MYL12A: variants seen among roughly 807,000 people sequenced by gnomAD.
MYL12A encodes the protein myosin light chain 12A, also known as myosin regulatory light chain 12A.
In MYL12A, 11 loss-of-function variants were observed where a neutral mutation model predicts 13.3. The observed-to-expected ratio is 0.83, with a 90% CI of 0.52 to 1.37. The LOEUF (loss-of-function observed/expected upper bound fraction) is 1.37. MYL12A is among the 40% of genes most tolerant of loss of function. The pLI, the probability that MYL12A is intolerant of heterozygous loss-of-function variation, is 0.00. For missense variants in MYL12A, 146 were observed against 212.3 expected, an observed-to-expected ratio of 0.69 and a Z score of 1.94; for synonymous variants, 51 against 69.9, an observed-to-expected ratio of 0.73 and a Z score of 1.35.
chr18:3,249,868 C>G (rs12606063), intron 1 of MYL12A: 22,780 of 151,942 alleles, frequency 0.15, 1,815 homozygotes, highest in East Asian at 0.26. Flanking sequence ...CTGCACTCCA[C>G]CCTGGGCGAC....
rs145650517 is a variant in MYL12A, at chr18:3,255,736, T to G, written c.344-10T>G. ...GTATGTATTCTGATCCCTTGTTCTTTATTCTCCAGGCACCATACAGGAAGA... is the reference window on the plus strand; with the variant it reads ...GTATGTATTCTGATCCCTTGTTCTTGATTCTCCAGGCACCATACAGGAAGA... On this transcript the variant is annotated splice_polypyrimidine_tract_variant and intron_variant, in intron 3 of 3. Transcript: ENST00000217652. 4.4e-5 allele frequency: 71 copies of G among 1,608,842 alleles called. No homozygotes were observed. In the South Asian group the frequency reaches 7.9e-4, roughly 18 times the overall value.
chr18:3,255,988 C>G lies in MYL12A; in HGVS notation c.*70C>G. 2 of 1,550,624 alleles carry G rather than the reference C, an allele frequency of 1.3e-6. No individual in the cohort carries two copies. The highest frequency in any genetic ancestry group is 1.7e-6 in the Non-Finnish European group (2 of 1,143,062). ...GTATTCTGAGATTTTCTCTTGCATGCCCTTAGCTTTACAGCTTTTGCATTT... is the reference window on the plus strand; with the variant it reads ...GTATTCTGAGATTTTCTCTTGCATGGCCTTAGCTTTACAGCTTTTGCATTT... On this transcript the variant is annotated 3_prime_UTR_variant, in exon 4 of 4. Transcript: ENST00000217652.
chr18:3,253,581 G>C, intron 2 of MYL12A, 153 bp downstream of exon 2: 1 of 952,990 alleles, frequency 1.0e-6, no homozygotes, highest in South Asian at 1.8e-5. Flanking sequence ...CGGATCACCA[G>C]CAGATTCGTG....
rs370662219 is a variant in MYL12A at position 3,253,686 on chromosome 18, T to G, written c.182-203T>G. On this transcript the variant is annotated intron_variant, in intron 2 of 3. Transcript: ENST00000217652. ...GGAAGCAGTATTATTCCTTCTGACA[T>G]TCCAATGGACTATCATATACTTTCC... 1.2e-4 allele frequency: 81 copies of G among 686,278 alleles called. No individual in the cohort carries two copies. The East Asian group carries it at 1.8e-3, about 16-fold the overall frequency. The allele number at this position is 686,278 out of a possible 1,614,324, so 42.5% of individuals were successfully genotyped here.
intron 1 of MYL12A, chr18:3,250,033 T>C (rs1172165603): frequency 6.6e-6 from 1 of 150,602 alleles, no homozygotes; most frequent in Non-Finnish European, 1.5e-5. Flanking sequence ...ATGAAATCTT[T>C]TCAATTTATT....
chr18:3,251,125 A>C (rs1002065364), intron 1 of MYL12A, among the ~76,000 whole-genome samples: 2 of 150,224 alleles, frequency 1.3e-5, no homozygotes, highest in Admixed American at 6.7e-5. Context: ...ATATGAGGCC[A>C]TTGTCAGTGC....
chr18:3,252,311 C>A, intron 1 of MYL12A: 1 of 1,533,042 alleles, frequency 6.5e-7, no homozygotes, highest in Non-Finnish European at 8.7e-7. Context: ...ATCTTCCCTG[C>A]AACTCTGAAG....
chr18:3,255,936 G>GC lies in MYL12A; in HGVS notation c.*20dup. On this transcript the variant is annotated 3_prime_UTR_variant, in exon 4 of 4. Transcript: ENST00000217652. Reference sequence around the variant, plus strand: ...ATGACTGAAATAACTTCAAATTCCAGCCAAACGTTCCTTGTTGCCACTTTG... The same window carrying GC: ...ATGACTGAAATAACTTCAAATTCCAGCCCAAACGTTCCTTGTTGCCACTTTG... The GC allele has an allele frequency of 6.2e-7, 1 of 1,611,702 alleles. No homozygotes were observed. Among genetic ancestry groups the GC allele is most frequent in the Non-Finnish European group, 8.5e-7 (1 of 1,178,814 alleles).
At chr18:3,252,134 G>A in intron 1 of MYL12A, 3 of 477,910 alleles carry the variant, frequency 6.3e-6, no homozygotes, top group South Asian at 9.1e-5. Flanking sequence ...TAGACCAATG[G>A]CATAGTGTTT....
intron 1 of MYL12A, among the ~76,000 whole-genome samples, chr18:3,251,494 A>AT (rs1352857047): frequency 6.6e-6 from 1 of 152,222 alleles, no homozygotes; most frequent in Non-Finnish European, 1.5e-5. Context: ...CATGCCTAAA[A>AT]TATTAAAGCG....
intron 2 of MYL12A, 84 bp from the exon 3 acceptor site, chr18:3,253,805 C>A (rs2081511162): frequency 7.2e-7 from 1 of 1,396,230 alleles, no homozygotes; most frequent in Admixed American, 2.3e-5. Flanking sequence ...GAATGATAAT[C>A]TTTGTTACCA....
chr18:3,250,268 C>G (rs2081472108), intron 1 of MYL12A, among the ~76,000 whole-genome samples: 1 of 152,212 alleles, frequency 6.6e-6, no homozygotes, highest in Non-Finnish European at 1.5e-5. Context: ...CCCTAGTTTT[C>G]TAAACTTCGA....
At chr18:3,249,420 C>T (rs2081462313) in intron 1 of MYL12A, 1 of 152,174 alleles carries the variant, frequency 6.6e-6, no homozygotes, top group Non-Finnish European at 1.5e-5. Context: ...CACCAGCGCT[C>T]ACCTCGCCTG....
At chr18:3,251,808 C>G (rs1483881949) in intron 1 of MYL12A, among the ~76,000 whole-genome samples, 2 of 152,154 alleles carry the variant, frequency 1.3e-5, no homozygotes, top group African/African-American at 4.8e-5. Flanking sequence ...ATCATAACTT[C>G]TGTGCTATGT....
intron 1 of MYL12A, chr18:3,249,606 A>G (rs562790235): frequency 1.1e-4 from 16 of 152,236 alleles, no homozygotes; most frequent in African/African-American, 2.9e-4. Context: ...CTTTCACTTA[A>G]TCCCTCAAAA....
At chr18:3,253,516 G>T in intron 2 of MYL12A, 88 bp downstream of exon 2, 2 of 1,475,990 alleles carry the variant, frequency 1.4e-6, no homozygotes, top group East Asian at 2.3e-5. Flanking sequence ...GCTCTGTAAA[G>T]CCTGTCTAAT....
intron 2 of MYL12A, 144 bp from the exon 3 acceptor site, chr18:3,253,745 C>G: frequency 4.2e-6 from 4 of 949,618 alleles, no homozygotes; most frequent in Non-Finnish European, 6.2e-6. Context: ...ATTAAGAAAA[C>G]TTTCCCCCCA....
At chr18:3,250,137 T>C (rs1417573027) in intron 1 of MYL12A, among the ~76,000 whole-genome samples, 3 of 152,068 alleles carry the variant, frequency 2.0e-5, no homozygotes. Flanking sequence ...GACGAGTTAA[T>C]GGGTGCAGCA....
At chr18:3,251,773 T>C (rs1189604033) in intron 1 of MYL12A, among the ~76,000 whole-genome samples, 1 of 152,214 alleles carries the variant, frequency 6.6e-6, no homozygotes, top group Non-Finnish European at 1.5e-5. Context: ...TAAAGAATTC[T>C]AGGAAATTTG....
Sources: allele counts gnomAD v4.1 joint callset (sites outside exome capture counted in the v4.1 genomes callset), GRCh38; gene constraint gnomAD v4.1.1; transcripts MANE v1.5; gene names NCBI Gene and HGNC (gene_info 2026-07-23, HGNC 2026-07-21).